FTO: variants seen among roughly 807,000 people sequenced by gnomAD.
FTO encodes alpha-ketoglutarate-dependent dioxygenase FTO.
FTO carries 47 observed loss-of-function variants against 63.9 expected under a neutral mutation model. The ratio of observed to expected loss-of-function variants is 0.74; its 90% CI spans 0.58 to 0.94. The LOEUF is 0.94. FTO is among the 40% of genes least tolerant of loss of function. The pLI is 0.00. For missense variants in FTO, 562 were observed against 618.1 expected, an observed-to-expected ratio of 0.91 and a Z score of 0.96; for synonymous variants, 207 against 224.4, an observed-to-expected ratio of 0.92 and a Z score of 0.69.
intron 7 of FTO, among the ~76,000 whole-genome samples, chr16:53,914,759 CAG>C (rs2081818072): frequency 6.6e-6 from 1 of 152,166 alleles, no homozygotes; most frequent in South Asian, 2.1e-4. Flanking sequence ...AGAGGTCAGA[CAG>C]AGCTGAAACT....
chr16:53,937,197 TAA>T (rs2082409777), intron 8 of FTO: 2 of 398,438 alleles, frequency 5.0e-6, no homozygotes, highest in South Asian at 2.5e-4. Flanking sequence ...CGTAATCCCA[TAA>T]ACAACCCTCT....
At chr16:53,858,959 G>T (rs1180855872) in intron 4 of FTO, among the ~76,000 whole-genome samples, 1 of 152,150 alleles carries the variant, frequency 6.6e-6, no homozygotes, top group Non-Finnish European at 1.5e-5. Flanking sequence ...TTGCCTGGCC[G>T]ATTTTTGCTT....
At chr16:54,025,788 G>A (rs1054467817) in intron 8 of FTO, among the ~76,000 whole-genome samples, 1 of 152,124 alleles carries the variant, frequency 6.6e-6, no homozygotes. Context: ...CAAGACAGGC[G>A]GATCACCTGA....
intron 2 of FTO, among the ~76,000 whole-genome samples, chr16:53,825,499 C>T (rs1023330286): frequency 2.0e-5 from 3 of 152,036 alleles, no homozygotes; most frequent in Non-Finnish European, 4.4e-5. Flanking sequence ...GTACCTGGTA[C>T]GTAGTAAGCA....
chr16:53,806,871 G>A (rs2078386047), intron 1 of FTO, among the ~76,000 whole-genome samples: 1 of 152,188 alleles, frequency 6.6e-6, no homozygotes, highest in Non-Finnish European at 1.5e-5. Flanking sequence ...TTTGAAAGGA[G>A]TTGACTGGTT....
rs543388905 is a variant in FTO at position 54,068,513 on chromosome 16, C to T, written c.1365-43249C>T. The stretch of plus-strand genomic sequence containing the variant: ...TTACCTGGCCCTATTGTTCACATGT[C>T]CCCATGGCTGAGGTTATGAATGAAA... On this transcript the variant is annotated intron_variant, in intron 8 of 8. Coordinates refer to ENST00000471389, the MANE Select transcript of FTO (RefSeq NM_001080432.3). Among the ~76,000 whole-genome samples the T allele has an allele frequency of 5.9e-5, 9 of 152,200 alleles. 1 individual carries two copies. In the East Asian group the frequency reaches 1.4e-3, roughly 23 times the overall value.
At chr16:53,979,007 A>C (rs1448951323) in intron 8 of FTO, among the ~76,000 whole-genome samples, 2 of 152,116 alleles carry the variant, frequency 1.3e-5, no homozygotes, top group East Asian at 1.9e-4. Context: ...TCAAAAAAAA[A>C]CCAAAAAAGT....
In FTO at chr16:53,704,199, G is replaced by T; in HGVS notation, c.15G>T (p.Pro5=). 6.4e-7 allele frequency: 1 copy of T among 1,551,504 alleles called. No individual in the cohort carries two copies. Among genetic ancestry groups the T allele is most frequent in the East Asian group, 2.4e-5 (1 of 40,916 alleles). MKRT[P]TAEEREREAK... ...TTAGTGGCAGCATGAAGCGCACCCC[G>T]ACTGCCGAGGAACGAGAGCGCGAAG... Residue 5 remains proline (P), a synonymous_variant, in exon 1 of 9, where the codon CCG becomes CCT. Transcript: ENST00000471389.
At chr16:53,753,038 A>T (rs1206478422) in intron 1 of FTO, among the ~76,000 whole-genome samples, 1 of 151,662 alleles carries the variant, frequency 6.6e-6, no homozygotes, top group Non-Finnish European at 1.5e-5. Context: ...AGGCAAGTGG[A>T]TCACTTGAGC....
upstream of FTO, chr16:53,703,986 C>T: frequency 3.0e-6 from 2 of 659,170 alleles, no homozygotes; most frequent in East Asian, 2.7e-5. Context: ...GCTGTCGGAC[C>T]TGGGAAATTC....
At chr16:53,864,694 T>G (rs1221149251) in intron 4 of FTO, among the ~76,000 whole-genome samples, 1 of 152,126 alleles carries the variant, frequency 6.6e-6, no homozygotes, top group Non-Finnish European at 1.5e-5. Flanking sequence ...GAGATAGCTG[T>G]GGTAAATAGA....
intron 2 of FTO, among the ~76,000 whole-genome samples, chr16:53,824,757 GAC>G (rs1440253317): frequency 6.6e-6 from 1 of 152,190 alleles, no homozygotes; most frequent in Admixed American, 6.5e-5. Context: ...GATCATGTCT[GAC>G]TCTTTCTTTA....
intron 1 of FTO, among the ~76,000 whole-genome samples, chr16:53,739,165 T>A (rs540259062): frequency 6.6e-6 from 1 of 151,974 alleles, no homozygotes; most frequent in South Asian, 2.1e-4. Context: ...TTGATTCTTA[T>A]AATTCTATTA....
intron 7 of FTO, among the ~76,000 whole-genome samples, chr16:53,895,993 C>T (rs1012257344): frequency 8.5e-5 from 13 of 152,110 alleles, no homozygotes; most frequent in African/African-American, 2.4e-4. Context: ...AATATACACA[C>T]GCACATGTGC....
chr16:54,065,586 TCTTACCA>T (rs2085707790), intron 8 of FTO, among the ~76,000 whole-genome samples: 1 of 152,184 alleles, frequency 6.6e-6, no homozygotes, highest in African/African-American at 2.4e-5. Flanking sequence ...ACTTCCTCAG[TCTTACCA>T]CCAAACCCTA....
chr16:53,870,973 A>G (rs890403299), intron 4 of FTO, among the ~76,000 whole-genome samples: 2 of 152,034 alleles, frequency 1.3e-5, no homozygotes, highest in African/African-American at 4.8e-5. Flanking sequence ...TTCCTTTAGT[A>G]TTTTGTCACC....
intron 8 of FTO, among the ~76,000 whole-genome samples, chr16:54,016,950 A>C (rs1035532481): frequency 2.0e-5 from 3 of 152,190 alleles, no homozygotes; most frequent in African/African-American, 7.2e-5. Flanking sequence ...GGCTTTTCTA[A>C]GAACTCAATC....
chr16:53,859,521 A>T (rs1224953908), intron 4 of FTO, among the ~76,000 whole-genome samples: 4 of 148,810 alleles, frequency 2.7e-5, no homozygotes, highest in Non-Finnish European at 5.9e-5. Context: ...ATAAATATAT[A>T]TCACTGTATA....
At position 54,024,906 on chromosome 16, in the gene FTO, T is replaced by C. The variant is rs1292144076; in HGVS notation, c.1365-86856T>C. 2.6e-5 allele frequency among the ~76,000 whole-genome samples: 4 copies of C among 152,314 alleles called. No homozygotes were observed. The East Asian group carries it at 7.7e-4, about 29-fold the overall frequency. On this transcript the variant is annotated intron_variant, in intron 8 of 8. Transcript: ENST00000471389. ...TTAATAGTCCATTGAAGCTAACTAGTCAATAGATTTTATAATCAGTAACTT... is the reference window on the plus strand; with the variant it reads ...TTAATAGTCCATTGAAGCTAACTAGCCAATAGATTTTATAATCAGTAACTT...
Sources: allele counts gnomAD v4.1 joint callset (sites outside exome capture counted in the v4.1 genomes callset), GRCh38; gene constraint gnomAD v4.1.1; transcripts MANE v1.5; gene names NCBI Gene and HGNC (gene_info 2026-07-23, HGNC 2026-07-21).